PAN2: variants seen among roughly 807,000 people sequenced by gnomAD.
The protein encoded by PAN2 is poly(A) specific ribonuclease subunit PAN2.
PAN2 carries 68 observed loss-of-function variants against 133.3 expected under a neutral mutation model. The ratio of observed to expected loss-of-function variants is 0.51; its 90% confidence interval spans 0.42 to 0.62. The LOEUF (loss-of-function observed/expected upper bound fraction) is 0.62. PAN2 is among the 20% of genes least tolerant of loss of function. PAN2 has a pLI of 0.00. For missense variants in PAN2, 1,042 were observed against 1,500.5 expected (o/e 0.69, Z 5.05); for synonymous variants, 462 against 544.6 (o/e 0.85, Z 2.11).
rs1000288229 is a variant in PAN2 at position 56,326,787 on chromosome 12, G to A, written c.1092C>T (p.Ser364=). 4.3e-6 allele frequency: 7 copies of A among 1,614,224 alleles called. No individual in the cohort carries two copies. The highest frequency in any genetic ancestry group is 5.1e-6 in the Non-Finnish European group (6 of 1,180,026). ...CAGTCTCACGGGAGTAGGGGTTGAAGGAAGGCTCCGGGGAATCAGTCCAGA... is the reference window on the plus strand; with the variant it reads ...CAGTCTCACGGGAGTAGGGGTTGAAAGAAGGCTCCGGGGAATCAGTCCAGA... The part of the protein sequence containing the change: ...VHLWTDSPEP[S]FNPYSRETEF... The change falls in exon 7 of 26, where the codon TCC becomes TCT. Residue 364 remains serine, a synonymous_variant. Transcript: ENST00000440411.
rs1306768474 is a variant in PAN2, at chr12:56,317,659, C to T, written c.3563-16G>A. ...ACAGCTGCATCTGTCAGAGACAAAA[C>T]CAAAAGCATGATTCAAGCTGAGTGG... On this transcript the variant is annotated splice_polypyrimidine_tract_variant and intron_variant, in intron 25 of 25. Coordinates refer to ENST00000440411, the MANE Select transcript of PAN2 (RefSeq NM_014871.6). The T allele has an allele frequency of 1.2e-6, 2 of 1,611,942 alleles. No homozygotes were observed. The highest frequency in any genetic ancestry group is 2.2e-5 in the East Asian group (1 of 44,882).
chr12:56,318,475 G>C (rs776177416), intron 24 of PAN2, 41 bp from the exon 25 acceptor site: 6 of 1,528,138 alleles, frequency 3.9e-6, no homozygotes, highest in South Asian at 1.1e-5. Context: ...ACCCAGCAAA[G>C]GGAGGTAGGA....
rs2135942793 is a variant in PAN2 at position 56,317,435 on chromosome 12, T to G, written c.*174A>C. 1 of 627,760 alleles carries G rather than the reference T, an allele frequency of 1.6e-6. No homozygotes were observed. Among genetic ancestry groups the G allele is most frequent in the East Asian group, 2.7e-5 (1 of 36,732 alleles). The allele number at this position is 627,760 out of a possible 1,614,324, so 38.9% of individuals were successfully genotyped here. ...GGAATGAATCTGGCTCCTAGAACCTTTGCAACAATTCTGCTGTGTTCCAGT... is the reference window on the plus strand; with the variant it reads ...GGAATGAATCTGGCTCCTAGAACCTGTGCAACAATTCTGCTGTGTTCCAGT... On this transcript the variant is annotated 3_prime_UTR_variant, in exon 26 of 26. Coordinates refer to ENST00000440411, the MANE Select transcript of PAN2 (RefSeq NM_014871.6).
At chr12:56,325,254 A>G in intron 9 of PAN2, 81 bp downstream of exon 9, 2 of 1,590,938 alleles carry the variant, frequency 1.3e-6, no homozygotes, top group Non-Finnish European at 1.7e-6. Flanking sequence ...CTCCTGACTG[A>G]GTCCTTCAAT....
intron 2 of PAN2, among the ~76,000 whole-genome samples, chr12:56,329,550 C>T (rs1211569977): frequency 6.6e-6 from 1 of 150,626 alleles, no homozygotes; most frequent in Admixed American, 6.6e-5. Flanking sequence ...AGGCTGGTTT[C>T]GAACTCCTGA....
intron 25 of PAN2, 66 bp from the exon 26 acceptor site, chr12:56,317,709 C>T (rs1175706288): frequency 7.2e-7 from 1 of 1,381,366 alleles, no homozygotes; most frequent in Non-Finnish European, 1.0e-6. Flanking sequence ...CTCATACTTC[C>T]TATGAAGGAA....
rs772767752 is a variant in PAN2, at chr12:56,319,536, CT to C, written c.3091-50del. ...CCTTTTTCAGGAAGTGAGATGGAGTCTTCCCCTATCACTCTTCCCTGGGTTC... is the reference window on the plus strand; with the variant it reads ...CCTTTTTCAGGAAGTGAGATGGAGTCTCCCCTATCACTCTTCCCTGGGTTC... On this transcript the variant is annotated intron_variant, in intron 22 of 25. Coordinates refer to ENST00000440411, the MANE Select transcript of PAN2 (RefSeq NM_014871.6). This position sits in a 1 kb window ranked among gnomAD's most constrained non-coding sequence, Gnocchi z 5.4. 755 of 1,592,818 alleles carry C rather than the reference CT, an allele frequency of 4.7e-4. 1 individual carries two copies. Among genetic ancestry groups the C allele is most frequent in the Non-Finnish European group, 5.3e-4 (617 of 1,168,230 alleles).
At position 56,328,341 on chromosome 12, in the gene PAN2, T is replaced by C. The variant is rs1875353489; in HGVS notation, c.470A>G (p.Asp157Gly). The C allele has an allele frequency of 6.2e-7, 1 of 1,601,792 alleles. No homozygotes were observed. The highest frequency in any genetic ancestry group is 8.5e-7 in the Non-Finnish European group (1 of 1,173,440). ...GTCAGTCAGTAGGAGACTGTGCATA[T>C]CCTCATTCTCATCCAGCCTGGTGGG... ...IFDYLLDENE[D>G]MHSLLLTDSS... Residue 157 changes from aspartate (D) to glycine (G), a missense_variant, in exon 4 of 26, where the codon GAT becomes GGT. Transcript: ENST00000440411.
intron 20 of PAN2, among the ~76,000 whole-genome samples, chr12:56,320,745 CTTT>C (rs764563787): frequency 8.7e-6 from 1 of 115,190 alleles, no homozygotes; most frequent in Non-Finnish European, 1.7e-5. Flanking sequence ...CTTACAGCTG[CTTT>C]TTTTTTTTTT....
chr12:56,324,932 A>C lies in PAN2; in HGVS notation c.1599+77T>G, dbSNP rs867011886. ...AGAGAACACGGCTGAGGAGACCTGGAAAGAGCAGGGTCGAGAGCCATAGGG... is the reference window on the plus strand; with the variant it reads ...AGAGAACACGGCTGAGGAGACCTGGCAAGAGCAGGGTCGAGAGCCATAGGG... On this transcript the variant is annotated intron_variant, in intron 10 of 25. Transcript: ENST00000440411. The C allele has an allele frequency of 3.2e-6, 5 of 1,547,264 alleles. No individual in the cohort carries two copies. In the African/African-American group the frequency reaches 5.5e-5, roughly 17 times the overall value.
In PAN2 at chr12:56,327,574, C is replaced by T. The variant is rs1875259054; in HGVS notation, c.709G>A (p.Gly237Arg). The T allele has an allele frequency of 2.5e-6, 4 of 1,614,114 alleles. No homozygotes were observed. Among genetic ancestry groups the T allele is most frequent in the Admixed American group, 3.3e-5 (2 of 60,028 alleles). Residue 237 changes from glycine (G) to arginine (R), a missense_variant, in exon 6 of 26, where the codon GGA becomes AGA. Around this residue, in one of 3 missense-constraint regions of PAN2, gnomAD observed 908 missense variants for 1,223.5 expected, o/e 0.74. Coordinates refer to ENST00000440411, the MANE Select transcript of PAN2 (RefSeq NM_014871.6). ...TGCACATCAAAGTCTGACAGACTTC[C>T]TGAGAAGGCATCAAACTCATGTTCC... is the stretch of plus-strand genomic sequence containing the variant. ...KVEHEFDAFS[G>R]SLSDFDVHGN...
rs959174773 is a variant in PAN2, at chr12:56,333,915, G to A, written c.-168C>T. The A allele has an allele frequency of 2.0e-5, 3 of 152,246 alleles. No homozygotes were observed. Among genetic ancestry groups the A allele is most frequent in the African/African-American group, 7.2e-5 (3 of 41,458 alleles). The allele number at this position is 152,246 out of a possible 1,614,324, so 9.4% of individuals were successfully genotyped here. On this transcript the variant is annotated 5_prime_UTR_variant, in exon 1 of 26. Transcript: ENST00000440411. ...AGCGCGTGGAATTAGAACGAGTAGG[G>A]GGAGCGCAAGCGCTGTCAGCTCCGC...
At position 56,323,176 on chromosome 12, in the gene PAN2, C is replaced by T. The variant is rs895261361; in HGVS notation, c.2379G>A (p.Val793=). The part of the protein sequence containing the change: ...KELGSPEGVL[V]CPSIEELKNV... Reference sequence around the variant, plus strand: ...TCTTCAACTCCTCAATGGAGGGACACACCAGCACACCCTCTGGACTCCCTA... The same window carrying T: ...TCTTCAACTCCTCAATGGAGGGACATACCAGCACACCCTCTGGACTCCCTA... Residue 793 remains valine, a synonymous_variant, in exon 17 of 26, where the codon GTG becomes GTA. Transcript: ENST00000440411. 16 of 1,614,196 alleles carry T rather than the reference C, an allele frequency of 9.9e-6. No homozygotes were observed. Among genetic ancestry groups the T allele is most frequent in the Non-Finnish European group, 1.4e-5 (16 of 1,180,044 alleles).
intron 6 of PAN2, 26 bp from the exon 7 acceptor site, chr12:56,326,985 A>G (rs1434747623): frequency 1.3e-6 from 2 of 1,578,914 alleles, no homozygotes; most frequent in Non-Finnish European, 1.7e-6. Context: ...AAACCCACTG[A>G]GCCCTAGAAA....
intron 2 of PAN2, among the ~76,000 whole-genome samples, chr12:56,329,215 C>G (rs77344615): frequency 4.4e-4 from 67 of 152,192 alleles, no homozygotes; most frequent in Non-Finnish European, 8.1e-4. Context: ...TTCTATTTTT[C>G]TTACTGTATT....
At chr12:56,327,100 T>C (rs1461046699) in intron 6 of PAN2, 141 bp from the exon 7 acceptor site, 4 of 774,750 alleles carry the variant, frequency 5.2e-6, no homozygotes, top group Non-Finnish European at 8.2e-6. Context: ...ACTTCGTGCC[T>C]TCCATAAACC....
In PAN2 at chr12:56,325,321, A is replaced by T; in HGVS notation, c.1479+14T>A. On this transcript the variant is annotated intron_variant, in intron 9 of 25. Transcript: ENST00000440411. Reference sequence around the variant, plus strand: ...CTTTCCCCACATCCCACAGGCCCTGATGTCCCCCAGCACCTTGCGGTATTT... The same window carrying T: ...CTTTCCCCACATCCCACAGGCCCTGTTGTCCCCCAGCACCTTGCGGTATTT... 6.2e-7 allele frequency: 1 copy of T among 1,613,908 alleles called. No individual in the cohort carries two copies. Among genetic ancestry groups the T allele is most frequent in the African/African-American group, 1.3e-5 (1 of 74,998 alleles).
chr12:56,330,115 A>G (rs1875588728), intron 2 of PAN2, among the ~76,000 whole-genome samples: 1 of 152,092 alleles, frequency 6.6e-6, no homozygotes, highest in South Asian at 2.1e-4. Flanking sequence ...CACAAGGATA[A>G]GTTAGAGGCA....
chr12:56,317,523 G>C lies in PAN2; in HGVS notation c.*86C>G. 6.1e-6 allele frequency: 7 copies of C among 1,150,506 alleles called. No individual in the cohort carries two copies. In the South Asian group the frequency reaches 8.8e-5, roughly 14 times the overall value. 71.3% of individuals were successfully genotyped at this position (1,150,506 alleles called of 1,614,324 possible). On this transcript the variant is annotated 3_prime_UTR_variant, in exon 26 of 26. Transcript: ENST00000440411. ...CACGTCCAGTACTGGAAGTGGACAA[G>C]GTATAGCCAACTTAGGAAGCCATCT...
Sources: allele counts gnomAD v4.1 joint callset (sites outside exome capture counted in the v4.1 genomes callset), GRCh38; gene constraint gnomAD v4.1.1; regional missense constraint gnomAD v4.1.1; non-coding constraint Gnocchi (gnomAD v3.1); transcripts MANE v1.5; gene names NCBI Gene and HGNC (gene_info 2026-07-23, HGNC 2026-07-21).